Variants in SMAP2 observed in about 807,000 individuals in gnomAD.
SMAP2 encodes stromal membrane-associated protein 2.
A neutral mutation model predicts 56.4 loss-of-function variants in SMAP2; 25 were observed. The ratio of observed to expected loss-of-function variants is 0.44; its 90% CI spans 0.32 to 0.62. The LOEUF (loss-of-function observed/expected upper bound fraction) is 0.62, where lower values mean the gene tolerates loss of function less well. Among genes scored for constraint, SMAP2 ranks in the 20% least tolerant of loss-of-function variants. The pLI, the probability that SMAP2 is intolerant of heterozygous loss-of-function variation, is 0.04. For synonymous variants in SMAP2, 157 were observed against 181.7 expected, an observed-to-expected ratio of 0.86 and a Z score of 1.09; for missense variants, 388 against 545.6, an observed-to-expected ratio of 0.71 and a Z score of 2.88.
chr1:40,398,457 T>A (rs995016291), intron 1 of SMAP2, among the ~76,000 whole-genome samples: 1 of 152,228 alleles, frequency 6.6e-6, no homozygotes, highest in African/African-American at 2.4e-5. Context: ...ACTGGATTTT[T>A]AAAATTACTA....
chr1:40,387,010 G>A (rs1038595358), intron 1 of SMAP2, among the ~76,000 whole-genome samples: 6 of 151,994 alleles, frequency 3.9e-5, no homozygotes, highest in South Asian at 2.1e-4. Flanking sequence ...ACACCACCAC[G>A]TCCAGCTAAT....
intron 1 of SMAP2, among the ~76,000 whole-genome samples, chr1:40,403,906 C>T (rs1408010633): frequency 1.3e-5 from 2 of 152,016 alleles, no homozygotes; most frequent in East Asian, 1.9e-4. Flanking sequence ...CACAACCAGC[C>T]TAAGCAACAT....
chr1:40,351,665 G>A (rs898349223), intron 1 of SMAP2, among the ~76,000 whole-genome samples: 5 of 152,006 alleles, frequency 3.3e-5, no homozygotes, highest in East Asian at 1.9e-4. Context: ...CACCAAGCCC[G>A]GCTAATTTTG....
intron 6 of SMAP2, among the ~76,000 whole-genome samples, chr1:40,414,748 G>C (rs1229380279): frequency 6.6e-6 from 1 of 152,086 alleles, no homozygotes; most frequent in Non-Finnish European, 1.5e-5. Context: ...TCATTTTTCA[G>C]ATGCAACCTG....
chr1:40,395,740 A>C (rs550738405), intron 1 of SMAP2, among the ~76,000 whole-genome samples: 36 of 151,936 alleles, frequency 2.4e-4, no homozygotes, highest in Middle Eastern at 3.4e-3. Context: ...GTAGATAAGA[A>C]GGGCCAGTTA....
rs1341623415 is a variant in SMAP2 at position 40,398,521 on chromosome 1, A to T, written c.104-8215A>T. Among the ~76,000 whole-genome samples, 3 of 152,204 alleles carry T rather than the reference A, an allele frequency of 2.0e-5. No individual in the cohort carries two copies. In the East Asian group the frequency reaches 5.8e-4, roughly 29 times the overall value. Reference sequence around the variant, plus strand: ...GAGGCTCCAAAATTTTTCCCCGTTAAATGGTGATACCATAATTCCTTAATG... The same window carrying T: ...GAGGCTCCAAAATTTTTCCCCGTTATATGGTGATACCATAATTCCTTAATG... On this transcript the variant is annotated intron_variant, in intron 1 of 9. Transcript: ENST00000372718.
intron 9 of SMAP2, 130 bp downstream of exon 9, chr1:40,417,226 TGC>T: frequency 7.7e-6 from 5 of 645,584 alleles, no homozygotes; most frequent in South Asian, 2.4e-5. Context: ...TTGTTAGGTT[TGC>T]TTTTTTTTTT....
At chr1:40,371,780 C>G (rs573367005), upstream of SMAP2, among the ~76,000 whole-genome samples, 7 of 152,304 alleles carry the variant, frequency 4.6e-5, no homozygotes, top group South Asian at 1.0e-3. Context: ...GTCTATCATT[C>G]ACTATCTACC....
At position 40,374,265 on chromosome 1, in the gene SMAP2, G is replaced by A; in HGVS notation, c.103+42G>A. ...GGCGGGCCAGGGGTCCAGCCGCGCC[G>A]GGGTGGTGGGGGTGGGCTGCGTGAA... On this transcript the variant is annotated intron_variant, in intron 1 of 9. Coordinates refer to ENST00000372718, the MANE Select transcript of SMAP2 (RefSeq NM_022733.3). The surrounding 1 kb of genome is among the most constrained non-coding windows in gnomAD (Gnocchi z 5.9). The A allele has an allele frequency of 6.6e-7, 1 of 1,507,444 alleles. No individual in the cohort carries two copies. The allele number at this position is 1,507,444 out of a possible 1,614,324, so 93.4% of individuals were successfully genotyped here.
At chr1:40,387,256 T>C (rs981247616) in intron 1 of SMAP2, among the ~76,000 whole-genome samples, 3 of 152,238 alleles carry the variant, frequency 2.0e-5, no homozygotes, top group African/African-American at 7.2e-5. Context: ...TTTCATGACA[T>C]TAAAAACGTG....
chr1:40,392,034 C>A (rs1644722021), intron 1 of SMAP2, among the ~76,000 whole-genome samples: 1 of 152,170 alleles, frequency 6.6e-6, no homozygotes, highest in African/African-American at 2.4e-5. Context: ...ATTTGCCCAG[C>A]TATTAGCTCA....
Position 40,416,238 on chromosome 1 carries a change from T to A in SMAP2, c.744T>A (p.Phe248Leu). 6.2e-7 allele frequency: 1 copy of A among 1,614,108 alleles called. No homozygotes were observed. The highest frequency in any genetic ancestry group is 1.1e-5 in the South Asian group (1 of 91,076). Residue 248 changes from phenylalanine to leucine, a missense_variant, in exon 8 of 10, where the codon TTT becomes TTA. By Grantham distance (22) the Phe-to-Leu change is conservative. Transcript: ENST00000372718. ...AGSVPENLNLFPEPGSKSEEI... is the reference protein window; with the variant it reads ...AGSVPENLNLLPEPGSKSEEI... ...CTGTTCCTGAAAATCTGAACCTGTT[T>A]CCGGAGCCAGGGAGCAAATCAGAAG...
intron 1 of SMAP2, among the ~76,000 whole-genome samples, chr1:40,349,886 C>G (rs1644403303): frequency 6.6e-6 from 1 of 152,180 alleles, no homozygotes; most frequent in Non-Finnish European, 1.5e-5. Context: ...TGCAGAAGCA[C>G]CTTGTCCAAC....
At chr1:40,407,975 C>A (rs781079040) in intron 2 of SMAP2, among the ~76,000 whole-genome samples, 5 of 152,010 alleles carry the variant, frequency 3.3e-5, no homozygotes, top group Non-Finnish European at 7.4e-5. Context: ...TTTTTTCTTT[C>A]TTGGGAGTAA....
chr1:40,414,081 C>A, intron 5 of SMAP2, 78 bp from the exon 6 acceptor site: 1 of 1,286,070 alleles, frequency 7.8e-7, no homozygotes, highest in Non-Finnish European at 1.1e-6. Flanking sequence ...CACAAGAACA[C>A]CGTGGCTTTA....
At chr1:40,400,862 C>CTT (rs1644826714) in intron 1 of SMAP2, among the ~76,000 whole-genome samples, 1 of 152,080 alleles carries the variant, frequency 6.6e-6, no homozygotes, top group African/African-American at 2.4e-5. Flanking sequence ...AGTCTGTGAG[C>CTT]TTTTTGAATT....
At chr1:40,363,720 A>G (rs1644468403) in intron 2 of SMAP2, among the ~76,000 whole-genome samples, 1 of 152,222 alleles carries the variant, frequency 6.6e-6, no homozygotes, top group Admixed American at 6.5e-5. Flanking sequence ...ACAGTCTTGA[A>G]TTGCTGATGC....
rs1294254549 is a variant in SMAP2 at position 40,386,668 on chromosome 1, T to TGA, written c.103+12445_103+12446insGA. ...ATAGGAACAGACCAGTTGTTTTCTG[T>TGA]CTTGTGGGATTTTAGGAGCTGGGGA... On this transcript the variant is annotated intron_variant, in intron 1 of 9. Transcript: ENST00000372718. This position sits in a 1 kb window ranked among gnomAD's most constrained non-coding sequence, Gnocchi z 4.1. Among the ~76,000 whole-genome samples the TGA allele has an allele frequency of 0.057, 8,741 of 152,138 alleles. 839 individuals are homozygous for TGA. The highest frequency in any genetic ancestry group is 0.2 in the African/African-American group (8,253 of 41,410).
intron 1 of SMAP2, among the ~76,000 whole-genome samples, chr1:40,399,563 G>A (rs1042536839): frequency 2.0e-5 from 3 of 148,666 alleles, no homozygotes; most frequent in Non-Finnish European, 4.4e-5. Flanking sequence ...TCAGCTGAGC[G>A]TGGTGGCTCA....
Sources: allele counts gnomAD v4.1 joint callset (sites outside exome capture counted in the v4.1 genomes callset), GRCh38; gene constraint gnomAD v4.1.1; non-coding constraint Gnocchi (gnomAD v3.1); transcripts MANE v1.5; gene names NCBI Gene and HGNC (gene_info 2026-07-23, HGNC 2026-07-21).